Variants in ADAMTS18 observed in about 807,000 individuals in gnomAD.
The protein encoded by ADAMTS18 is ADAM metallopeptidase with thrombospondin type 1 motif 18, also known as A disintegrin and metalloproteinase with thrombospondin motifs 18.
In ADAMTS18, 157 loss-of-function variants were observed where a neutral mutation model predicts 165.9. The ratio of observed to expected loss-of-function variants is 0.95; its 90% CI spans 0.83 to 1.08. The LOEUF is 1.08. ADAMTS18 is among the 50% of genes least tolerant of loss of function. The pLI, the probability that ADAMTS18 is intolerant of heterozygous loss-of-function variation, is 0.00. For missense variants in ADAMTS18, 2,040 were observed against 1,534.0 expected, an observed-to-expected ratio of 1.33 and a Z score of -5.51; for synonymous variants, 782 against 578.2, an observed-to-expected ratio of 1.35 and a Z score of -5.06.
Position 77,291,302 on chromosome 16 carries a change from G to C in ADAMTS18, c.3366C>G (p.Asn1122Lys), listed in dbSNP as rs745326324. ...GCAATGAATACCATCCAGCTACCAT[G>C]TTGTACACTGGATGGGCTGGGCAAG... is the stretch of plus-strand genomic sequence containing the variant. ...RRACPAHPVY[N>K]MVAGWYSLPW... The change falls in exon 21 of 23, where the codon AAC becomes AAG. Residue 1122 changes from asparagine (N) to lysine (K), a missense_variant. Physicochemically the swap from Asn to Lys is moderately conservative, Grantham distance 94. Coordinates refer to ENST00000282849, the MANE Select transcript of ADAMTS18 (RefSeq NM_199355.4). The C allele has an allele frequency of 1.9e-6, 3 of 1,614,180 alleles. No homozygotes were observed. The highest frequency in any genetic ancestry group is 2.5e-6 in the Non-Finnish European group (3 of 1,180,022).
rs764902351 is a variant in ADAMTS18 at position 77,293,010 on chromosome 16, A to T, written c.3189+66T>A. The T allele has an allele frequency of 2.5e-6, 4 of 1,598,890 alleles. No homozygotes were observed. The Admixed American group carries it at 6.7e-5, about 27-fold the overall frequency. On this transcript the variant is annotated intron_variant, in intron 20 of 22. Transcript: ENST00000282849. ...AATTTTTTGTATTTTTAGTAGAGAC[A>T]GGGTTTCACTGTGTTAGCCAGGATG...
chr16:77,347,775 C>T (rs1200994492), intron 10 of ADAMTS18, among the ~76,000 whole-genome samples: 1 of 151,972 alleles, frequency 6.6e-6, no homozygotes, highest in Admixed American at 6.6e-5. Context: ...TATATTTTTT[C>T]TAGGTAGATA....
rs200629744 is a variant in ADAMTS18, at chr16:77,375,890, C to CTTT, written c.496-8170_496-8168dup. Among the ~76,000 whole-genome samples, 36 of 93,902 alleles carry CTTT rather than the reference C, an allele frequency of 3.8e-4. 2 individuals carry two copies. The highest frequency in any genetic ancestry group is 5.7e-4 in the African/African-American group (13 of 22,708). The allele number at this position is 93,902 out of a possible 152,430, so 61.6% of individuals were successfully genotyped here. On this transcript the variant is annotated intron_variant, in intron 3 of 22. Coordinates refer to ENST00000282849, the MANE Select transcript of ADAMTS18 (RefSeq NM_199355.4). ...TTTTATGTCGTTTTTTCTTTCTTTCCTTTTTTTTTTTTTTTTTTTTTTTTT... is the reference window on the plus strand; with the variant it reads ...TTTTATGTCGTTTTTTCTTTCTTTCCTTTTTTTTTTTTTTTTTTTTTTTTTTTT...
chr16:77,412,616 T>C (rs2057479148), intron 3 of ADAMTS18, among the ~76,000 whole-genome samples: 2 of 152,208 alleles, frequency 1.3e-5, no homozygotes, highest in Non-Finnish European at 2.9e-5. Context: ...CAGTTCCACA[T>C]GGCTGAGAAG....
At chr16:77,299,446 A>G (rs74855854) in intron 17 of ADAMTS18, among the ~76,000 whole-genome samples, 111 of 152,324 alleles carry the variant, frequency 7.3e-4, no homozygotes, top group African/African-American at 2.5e-3. Flanking sequence ...CCTTTCAGAC[A>G]TAAGAATTTC....
chr16:77,379,116 G>A (rs778232008), intron 3 of ADAMTS18: 12 of 152,256 alleles, frequency 7.9e-5, no homozygotes, highest in Non-Finnish European at 1.6e-4. Flanking sequence ...ACTGGTTGGT[G>A]TGTTTTGGTG....
At chr16:77,301,921 C>T (rs2055590557) in intron 16 of ADAMTS18, among the ~76,000 whole-genome samples, 1 of 149,460 alleles carries the variant, frequency 6.7e-6, no homozygotes, top group Admixed American at 6.8e-5. Flanking sequence ...TGAACAAATG[C>T]CCAGTTATCA....
intron 2 of ADAMTS18, among the ~76,000 whole-genome samples, chr16:77,432,068 G>A (rs775819136): frequency 1.3e-5 from 2 of 152,094 alleles, no homozygotes; most frequent in South Asian, 4.2e-4. Context: ...AAACTGAATC[G>A]GGAACATTTT....
intron 16 of ADAMTS18, among the ~76,000 whole-genome samples, chr16:77,317,016 T>C (rs905807312): frequency 3.3e-5 from 5 of 152,144 alleles, no homozygotes. Flanking sequence ...TCCTCTGCTC[T>C]TTACCTGGTT....
At chr16:77,410,640 C>T (rs1325474371) in intron 3 of ADAMTS18, among the ~76,000 whole-genome samples, 3 of 152,118 alleles carry the variant, frequency 2.0e-5, no homozygotes, top group Non-Finnish European at 4.4e-5. Context: ...TCTCTCGACC[C>T]CCCTACCATC....
At chr16:77,338,490 G>A (rs1439020192) in intron 11 of ADAMTS18, among the ~76,000 whole-genome samples, 1 of 151,674 alleles carries the variant, frequency 6.6e-6, no homozygotes, top group Non-Finnish European at 1.5e-5. Flanking sequence ...GCCCGCCGAG[G>A]CCCCCCAAAG....
intron 17 of ADAMTS18, among the ~76,000 whole-genome samples, chr16:77,298,313 A>G (rs1033451119): frequency 6.6e-6 from 1 of 152,130 alleles, no homozygotes; most frequent in Non-Finnish European, 1.5e-5. Context: ...AAATGTGTGA[A>G]TAATTGTATT....
intron 8 of ADAMTS18, among the ~76,000 whole-genome samples, chr16:77,357,765 A>G (rs906607449): frequency 6.6e-6 from 1 of 152,200 alleles, no homozygotes; most frequent in African/African-American, 2.4e-5. Flanking sequence ...TGCCATATAA[A>G]TATCTCAGGA....
rs150865476 is a variant in ADAMTS18 at position 77,330,415 on chromosome 16, T to G, written c.1860-4377A>C. 2.3e-3 allele frequency among the ~76,000 whole-genome samples: 357 copies of G among 152,312 alleles called. 4 individuals carry two copies. The highest frequency in any genetic ancestry group is 7.4e-3 in the African/African-American group (308 of 41,568). On this transcript the variant is annotated intron_variant, in intron 12 of 22. Transcript: ENST00000282849. The stretch of plus-strand genomic sequence containing the variant: ...GTCAAAGGATTAAGACTATGGGAAC[T>G]TAATCTGACTCTGCCATTACCAGCA...
At position 77,434,507 on chromosome 16, in the gene ADAMTS18, T is replaced by A; in HGVS notation, c.91-2A>T. On this transcript the variant is annotated splice_acceptor_variant, in intron 1 of 22. Coordinates refer to ENST00000282849, the MANE Select transcript of ADAMTS18 (RefSeq NM_199355.4). LOFTEE classifies it high-confidence loss of function. ...GCAGAGGCAGCACAGCTGGAGCGCC[T>A]GCAAGAGAAAAGGTGACATCGCGCG... 6.4e-7 allele frequency: 1 copy of A among 1,556,330 alleles called. No homozygotes were observed. The highest frequency in any genetic ancestry group is 8.7e-7 in the Non-Finnish European group (1 of 1,154,618).
At chr16:77,363,985 C>T in intron 5 of ADAMTS18, 100 bp from the exon 6 acceptor site, 1 of 1,279,086 alleles carries the variant, frequency 7.8e-7, no homozygotes, top group Non-Finnish European at 1.1e-6. Context: ...TTTAATTTTA[C>T]CAAATATATG....
intron 20 of ADAMTS18, 125 bp downstream of exon 20, chr16:77,292,951 A>T: frequency 8.6e-7 from 1 of 1,165,420 alleles, no homozygotes; most frequent in Non-Finnish European, 1.2e-6. Flanking sequence ...TCCCCAGTAG[A>T]TCAGACTACA....
chr16:77,330,423 ACT>A (rs763781781), intron 12 of ADAMTS18, among the ~76,000 whole-genome samples: 5 of 152,048 alleles, frequency 3.3e-5, no homozygotes, highest in Admixed American at 6.6e-5. Flanking sequence ...ACTTAATCTG[ACT>A]CTGCCATTAC....
chr16:77,340,036 T>G (rs762837846), intron 11 of ADAMTS18, among the ~76,000 whole-genome samples: 19 of 152,184 alleles, frequency 1.2e-4, no homozygotes, highest in Non-Finnish European at 2.6e-4. Flanking sequence ...TTATTCTAAG[T>G]GCATAGCTAA....
Sources: gnomAD v4.1 joint callset for allele counts (sites outside exome capture counted in the v4.1 genomes callset) on GRCh38, gnomAD v4.1.1 for gene constraint, MANE v1.5 for transcripts, NCBI Gene and HGNC (gene_info 2026-07-23, HGNC 2026-07-21) for gene names.